The following TNNI3K variants were observed in gnomAD, a reference collection of about 807,000 sequenced individuals.
TNNI3K encodes the protein serine/threonine-protein kinase TNNI3K.
In TNNI3K, 140 loss-of-function variants were observed where a neutral mutation model predicts 114.5. The ratio of observed to expected loss-of-function variants is 1.22; its 90% CI spans 1.07 to 1.41. The LOEUF (loss-of-function observed/expected upper bound fraction) is 1.41. Ranked by LOEUF, TNNI3K falls within the 40% of genes most tolerant of loss-of-function variation. The pLI, the probability that TNNI3K is intolerant of heterozygous loss-of-function variation, is 0.00. For synonymous variants in TNNI3K, 347 were observed against 347.5 expected, an observed-to-expected ratio of 1.00 and a Z score of 0.02; for missense variants, 1,125 against 1,007.6, an observed-to-expected ratio of 1.12 and a Z score of -1.58.
intron 4 of TNNI3K, among the ~76,000 whole-genome samples, chr1:74,253,720 C>G (rs141926642): frequency 6.6e-6 from 1 of 152,046 alleles, no homozygotes; most frequent in African/African-American, 2.4e-5. Flanking sequence ...AGTTCCTGCC[C>G]GTGCCTCTCC....
chr1:74,452,283 CTT>C (rs1354874795), intron 20 of TNNI3K, among the ~76,000 whole-genome samples: 2 of 152,076 alleles, frequency 1.3e-5, no homozygotes, highest in Admixed American at 6.5e-5. Flanking sequence ...TGTGACCACA[CTT>C]TATAAATTGC....
chr1:74,319,601 C>T (rs1257195627), intron 5 of TNNI3K, among the ~76,000 whole-genome samples: 1 of 151,992 alleles, frequency 6.6e-6, no homozygotes, highest in Non-Finnish European at 1.5e-5. Flanking sequence ...ATGTTTTGGC[C>T]TCATCTTCAT....
chr1:74,452,968 T>C lies in TNNI3K; in HGVS notation c.2012-10473T>C, dbSNP rs186874200. On this transcript the variant is annotated intron_variant, in intron 20 of 24. Transcript: ENST00000326637. ...ATTTATTTTTAGGTCTTAGTCTAAA[T>C]ATAATTTCTTTCCAAAAATCTTTCT... is the stretch of plus-strand genomic sequence containing the variant. 7.9e-5 allele frequency among the ~76,000 whole-genome samples: 12 copies of C among 152,336 alleles called. No individual in the cohort carries two copies. In the East Asian group the frequency reaches 2.3e-3, roughly 29 times the overall value.
chr1:74,479,410 A>T (rs1668364716), intron 21 of TNNI3K, among the ~76,000 whole-genome samples: 1 of 152,232 alleles, frequency 6.6e-6, no homozygotes, highest in Non-Finnish European at 1.5e-5. Flanking sequence ...TCCTCCCCTT[A>T]GTTGGTCTGG....
At chr1:74,235,533 G>C in intron 1 of TNNI3K, 42 bp downstream of exon 1, 1 of 1,110,788 alleles carries the variant, frequency 9.0e-7, no homozygotes, top group Non-Finnish European at 1.3e-6. Context: ...GTGTAATATG[G>C]TTCAATTATA....
intron 5 of TNNI3K, among the ~76,000 whole-genome samples, chr1:74,294,946 ACTT>A (rs886490375): frequency 2.0e-5 from 3 of 151,570 alleles, no homozygotes; most frequent in Non-Finnish European, 2.9e-5. Context: ...ATTTTTTCTA[ACTT>A]CTTAAGATGA....
intron 17 of TNNI3K, among the ~76,000 whole-genome samples, chr1:74,421,581 T>C (rs1665398084): frequency 1.3e-5 from 2 of 152,142 alleles, no homozygotes; most frequent in Admixed American, 6.6e-5. Context: ...TTCTACACTA[T>C]AATATGAATT....
chr1:74,536,187 A>G (rs1407245713), intron 23 of TNNI3K, among the ~76,000 whole-genome samples: 2 of 152,034 alleles, frequency 1.3e-5, no homozygotes, highest in African/African-American at 2.4e-5. Flanking sequence ...CACTTTTCCC[A>G]TTCTTCTTAG....
intron 17 of TNNI3K, among the ~76,000 whole-genome samples, chr1:74,388,229 G>T (rs1403906772): frequency 6.6e-6 from 1 of 151,938 alleles, no homozygotes; most frequent in Non-Finnish European, 1.5e-5. Flanking sequence ...AGTGAGCCAA[G>T]ATTGCACCAC....
intron 5 of TNNI3K, among the ~76,000 whole-genome samples, chr1:74,276,988 T>C (rs1200465392): frequency 6.6e-6 from 1 of 152,142 alleles, no homozygotes; most frequent in Non-Finnish European, 1.5e-5. Flanking sequence ...CATCCATCTA[T>C]CAATACATTT....
chr1:74,322,461 CTT>C (rs113272069), intron 5 of TNNI3K, among the ~76,000 whole-genome samples: 11 of 138,870 alleles, frequency 7.9e-5, no homozygotes, highest in Admixed American at 1.5e-4. Flanking sequence ...CTAATTCTAC[CTT>C]TTTTTTTTTT....
rs770695412 is a variant in TNNI3K at position 74,236,135 on chromosome 1, T to C, written c.74T>C (p.Val25Ala). The change falls in exon 2 of 25, where the codon GTT (valine) becomes GCT (alanine). Residue 25 changes from valine to alanine, a missense_variant. Coordinates refer to ENST00000326637, the MANE Select transcript of TNNI3K (RefSeq NM_015978.3). ...EWKKKVSESY[V>A]ITIERLEDDL... is the part of the protein sequence containing the mutation. The stretch of plus-strand genomic sequence containing the variant: ...AAGAAAAAAGTCAGTGAATCATATG[T>C]TATCACAATAGAAAGATTAGAAGAT... 1 of 1,608,272 alleles carries C rather than the reference T, an allele frequency of 6.2e-7. No homozygotes were observed. Among genetic ancestry groups the C allele is most frequent in the East Asian group, 2.2e-5 (1 of 44,566 alleles).
chr1:74,331,714 C>T (rs1052232472), intron 6 of TNNI3K, among the ~76,000 whole-genome samples, 166 bp downstream of exon 6: 3 of 152,082 alleles, frequency 2.0e-5, no homozygotes, highest in East Asian at 1.9e-4. Flanking sequence ...ATAAGCATTA[C>T]GGTTGTCATG....
chr1:74,270,182 A>C (rs1570398594), intron 4 of TNNI3K, among the ~76,000 whole-genome samples: 2 of 151,874 alleles, frequency 1.3e-5, no homozygotes, highest in Admixed American at 1.3e-4. Flanking sequence ...GAGTAGTGTG[A>C]GAAAAGCAAA....
chr1:74,495,029 T>G (rs1451123256), intron 23 of TNNI3K, among the ~76,000 whole-genome samples: 1 of 152,156 alleles, frequency 6.6e-6, no homozygotes, highest in Non-Finnish European at 1.5e-5. Context: ...CCACTACTAA[T>G]TTTTCAAAAA....
At chr1:74,451,195 A>G (rs755456923) in intron 20 of TNNI3K, among the ~76,000 whole-genome samples, 6 of 152,256 alleles carry the variant, frequency 3.9e-5, no homozygotes, top group African/African-American at 1.2e-4. Context: ...GAACTAAACA[A>G]TGAGAACACA....
intron 17 of TNNI3K, among the ~76,000 whole-genome samples, chr1:74,434,169 C>A (rs1361722582): frequency 3.9e-5 from 6 of 152,012 alleles, no homozygotes; most frequent in Non-Finnish European, 7.4e-5. Flanking sequence ...CCTTCTACAT[C>A]CTGCATCAAG....
intron 6 of TNNI3K, 67 bp downstream of exon 6, chr1:74,331,615 C>A: frequency 7.3e-7 from 1 of 1,372,976 alleles, no homozygotes; most frequent in African/African-American, 1.5e-5. Context: ...TTGAATTGTC[C>A]TAGCTTCAAA....
intron 21 of TNNI3K, among the ~76,000 whole-genome samples, chr1:74,464,108 G>A (rs1667566046): frequency 2.6e-5 from 4 of 152,262 alleles, no homozygotes; most frequent in Admixed American, 6.5e-5. Flanking sequence ...TTTTAAATAC[G>A]GTCATAGGTC....
Sources: gnomAD v4.1 joint callset for allele counts (sites outside exome capture counted in the v4.1 genomes callset) on GRCh38, gnomAD v4.1.1 for gene constraint, MANE v1.5 for transcripts, NCBI Gene and HGNC (gene_info 2026-07-23, HGNC 2026-07-21) for gene names.